MAN2A1: variants seen among roughly 807,000 people sequenced by gnomAD.
MAN2A1 encodes the protein alpha-mannosidase 2.
MAN2A1 carries 76 observed loss-of-function variants against 142.6 expected under a neutral mutation model. That is an observed-to-expected ratio of 0.53 (90% CI 0.44 to 0.65). MAN2A1 has a LOEUF of 0.65. MAN2A1 is among the 30% of genes least tolerant of loss of function. MAN2A1 has a pLI of 0.00. For missense variants in MAN2A1, 1,311 were observed against 1,365.1 expected (o/e 0.96, Z 0.62); for synonymous variants, 559 against 473.2 (o/e 1.18, Z -2.35).
At chr5:109,849,851 C>G (rs555341559) in intron 19 of MAN2A1, among the ~76,000 whole-genome samples, 1 of 152,308 alleles carries the variant, frequency 6.6e-6, no homozygotes, top group African/African-American at 2.4e-5. Context: ...TGCATGTCCC[C>G]TAGGCATTGG....
chr5:109,745,611 C>T (rs1228025894), intron 4 of MAN2A1, among the ~76,000 whole-genome samples: 3 of 152,058 alleles, frequency 2.0e-5, no homozygotes, highest in Admixed American at 2.0e-4. Flanking sequence ...ATTTTTATTT[C>T]TATTAAATTA....
intron 1 of MAN2A1, chr5:109,699,956 G>C (rs1001197772): frequency 6.6e-6 from 1 of 152,198 alleles, no homozygotes; most frequent in African/African-American, 2.4e-5. Flanking sequence ...ATAAGAAGGA[G>C]GGATAATCTT....
chr5:109,759,049 TTGTTTTTTCCA>T (rs1345540297), intron 5 of MAN2A1, among the ~76,000 whole-genome samples: 1 of 152,128 alleles, frequency 6.6e-6, no homozygotes, highest in African/African-American at 2.4e-5. Context: ...TTTTTTAAAC[TTGTTTTTTCCA>T]TGTGAATTTT....
In MAN2A1 at chr5:109,755,325, CTAGTT is replaced by C; in HGVS notation, c.708-1_711del. The C allele has an allele frequency of 1.2e-6, 2 of 1,606,606 alleles. No individual in the cohort carries two copies. Among genetic ancestry groups the C allele is most frequent in the Non-Finnish European group, 1.7e-6 (2 of 1,174,150 alleles). On this transcript the variant is annotated splice_acceptor_variant and splice_polypyrimidine_tract_variant and coding_sequence_variant and intron_variant, in exon 5 of 22. Transcript: ENST00000261483. LOFTEE classifies it high-confidence loss of function. ...AATGTAGACTCTTGTTATTTTCTCT[CTAGTT>C]TAATAGAAAATGGTCAGCTTGAAAT...
At chr5:109,864,775 G>A (rs1755838089) in intron 20 of MAN2A1, 2 of 398,746 alleles carry the variant, frequency 5.0e-6, no homozygotes, top group South Asian at 5.2e-5. Context: ...CTAAGTCCTC[G>A]GGGATTATAG....
rs184148050 is a variant in MAN2A1, at chr5:109,809,825, C to T, written c.1944-7448C>T. On this transcript the variant is annotated intron_variant, in intron 12 of 21. Coordinates refer to ENST00000261483, the MANE Select transcript of MAN2A1 (RefSeq NM_002372.4). ...AGGTAATTATATTGTGCTATTTTCTCTTTTATTTCCATCTACACATATCCT... is the reference window on the plus strand; with the variant it reads ...AGGTAATTATATTGTGCTATTTTCTTTTTTATTTCCATCTACACATATCCT... Among the ~76,000 whole-genome samples, 99 of 152,154 alleles carry T rather than the reference C, an allele frequency of 6.5e-4. 1 individual carries two copies. Among genetic ancestry groups the T allele is most frequent in the African/African-American group, 2.2e-3 (91 of 41,534 alleles).
At chr5:109,860,407 A>G (rs1409566212) in intron 20 of MAN2A1, among the ~76,000 whole-genome samples, 1 of 152,172 alleles carries the variant, frequency 6.6e-6, no homozygotes, top group Admixed American at 6.5e-5. Flanking sequence ...GCCAGAATGC[A>G]CTAGGGATGA....
At chr5:109,721,131 G>A (rs985753572) in intron 3 of MAN2A1, among the ~76,000 whole-genome samples, 1 of 152,172 alleles carries the variant, frequency 6.6e-6, no homozygotes, top group Non-Finnish European at 1.5e-5. Context: ...GGTGAGGGCA[G>A]CGAGGCTAAG....
chr5:109,818,479 A>G (rs925194725), intron 13 of MAN2A1, among the ~76,000 whole-genome samples: 2 of 152,148 alleles, frequency 1.3e-5, no homozygotes, highest in Admixed American at 6.6e-5. Context: ...CATCTAGAAA[A>G]TGGAACAGCA....
At position 109,781,092 on chromosome 5, in the gene MAN2A1, C is replaced by T. The variant is rs76274104; in HGVS notation, c.1375-304C>T. Among the ~76,000 whole-genome samples, 729 of 152,204 alleles carry T rather than the reference C, an allele frequency of 4.8e-3. 28 individuals carry two copies. The East Asian group carries it at 0.09, about 19-fold the overall frequency. ...ATTAATCCATGCCCAAATCATTGTA[C>T]ACTTTGAAATTCTAGAGATATGTAG... On this transcript the variant is annotated intron_variant, in intron 8 of 21. Coordinates refer to ENST00000261483, the MANE Select transcript of MAN2A1 (RefSeq NM_002372.4).
At chr5:109,745,060 A>G (rs1226802959) in intron 4 of MAN2A1, among the ~76,000 whole-genome samples, 3 of 152,256 alleles carry the variant, frequency 2.0e-5, no homozygotes, top group Non-Finnish European at 2.9e-5. Flanking sequence ...CAACTGATCT[A>G]TTGTGATAGA....
At chr5:109,693,595 C>G (rs568520581) in intron 1 of MAN2A1, among the ~76,000 whole-genome samples, 1 of 151,538 alleles carries the variant, frequency 6.6e-6, no homozygotes, top group Non-Finnish European at 1.5e-5. Flanking sequence ...TTTTGGAGAG[C>G]GGGGGTTTGT....
intron 17 of MAN2A1, among the ~76,000 whole-genome samples, chr5:109,844,474 T>G (rs1329168071): frequency 6.6e-6 from 1 of 152,154 alleles, no homozygotes; most frequent in African/African-American, 2.4e-5. Flanking sequence ...TAAGGTAGCT[T>G]TACTTTTTTT....
At chr5:109,829,986 A>G (rs1168876650) in intron 16 of MAN2A1, among the ~76,000 whole-genome samples, 2 of 152,222 alleles carry the variant, frequency 1.3e-5, no homozygotes, top group African/African-American at 2.4e-5. Flanking sequence ...TGATTTCACC[A>G]TACTTCCACC....
At chr5:109,839,424 T>A in intron 16 of MAN2A1, among the ~76,000 whole-genome samples, 1 of 152,092 alleles carries the variant, frequency 6.6e-6, no homozygotes, top group East Asian at 1.9e-4. Context: ...GGGTCATCTA[T>A]CTTTGCAGGT....
intron 8 of MAN2A1, among the ~76,000 whole-genome samples, chr5:109,776,755 A>T (rs1207893887): frequency 6.6e-6 from 1 of 152,138 alleles, no homozygotes; most frequent in Non-Finnish European, 1.5e-5. Flanking sequence ...TCCAGTCATC[A>T]CCAACTGCCG....
Position 109,724,612 on chromosome 5 carries a change from T to A in MAN2A1, c.536-4730T>A, listed in dbSNP as rs1582826198. Among the ~76,000 whole-genome samples, 4 of 152,284 alleles carry A rather than the reference T, an allele frequency of 2.6e-5. No individual in the cohort carries two copies. In the South Asian group the frequency reaches 8.3e-4, roughly 32 times the overall value. Reference sequence around the variant, plus strand: ...TTATTTTTTATTCAAAAACTTTTCATGTTTTCCTGAAGATTGGTGCTTATT... The same window carrying A: ...TTATTTTTTATTCAAAAACTTTTCAAGTTTTCCTGAAGATTGGTGCTTATT... On this transcript the variant is annotated intron_variant, in intron 3 of 21. Coordinates refer to ENST00000261483, the MANE Select transcript of MAN2A1 (RefSeq NM_002372.4).
At chr5:109,691,508 G>C (rs538644493) in intron 1 of MAN2A1, among the ~76,000 whole-genome samples, 9 of 152,312 alleles carry the variant, frequency 5.9e-5, no homozygotes, top group African/African-American at 2.2e-4. Context: ...TTACGAGAAA[G>C]AGAAGCCTAG....
intron 4 of MAN2A1, among the ~76,000 whole-genome samples, chr5:109,736,961 C>G (rs189684424): frequency 3.3e-5 from 5 of 151,950 alleles, no homozygotes; most frequent in Non-Finnish European, 7.4e-5. Context: ...AATAACTGTA[C>G]TACTGTTTTC....
Sources: allele counts gnomAD v4.1 joint callset (sites outside exome capture counted in the v4.1 genomes callset), GRCh38; gene constraint gnomAD v4.1.1; transcripts MANE v1.5; gene names NCBI Gene and HGNC (gene_info 2026-07-23, HGNC 2026-07-21).